The following PRUNE2 variants were observed in gnomAD, a reference collection of about 807,000 sequenced individuals.
PRUNE2 encodes prune homolog 2 with BCH domain, also known as protein prune homolog 2.
Under a neutral mutation model 252.0 loss-of-function variants are expected in PRUNE2, and 164 were observed. The ratio of observed to expected loss-of-function variants is 0.65; its 90% CI spans 0.57 to 0.74. The LOEUF is 0.74. Among genes scored for constraint, PRUNE2 ranks in the 30% least tolerant of loss-of-function variants. PRUNE2 has a pLI of 0.00. For missense variants in PRUNE2, 3,495 were observed against 3,711.0 expected, an observed-to-expected ratio of 0.94 and a Z score of 1.51; for synonymous variants, 1,292 against 1,350.2, an observed-to-expected ratio of 0.96 and a Z score of 0.94.
At chr9:76,691,841 C>A in intron 9 of PRUNE2, 2 of 519,658 alleles carry the variant, frequency 3.8e-6, no homozygotes. Flanking sequence ...AAGAAAGGGG[C>A]GGGGACAGCA....
At chr9:76,751,898 T>C (rs918802155) in intron 6 of PRUNE2, among the ~76,000 whole-genome samples, 2 of 152,158 alleles carry the variant, frequency 1.3e-5, no homozygotes, top group African/African-American at 4.8e-5. Flanking sequence ...ACTATCAAAT[T>C]TGGATCTCAT....
In PRUNE2 at chr9:76,850,741, G is replaced by A. The variant is rs772754959; in HGVS notation, c.142-76C>T. On this transcript the variant is annotated intron_variant, in intron 2 of 18. Transcript: ENST00000376718. ...TACAATTACATTTTCTCCAGCCTGG[G>A]GGTAACTGGTAAAAGGAATAGGAGT... 8 of 1,121,784 alleles carry A rather than the reference G, an allele frequency of 7.1e-6. No homozygotes were observed. The African/African-American group carries it at 1.2e-4, about 17-fold the overall frequency. 69.5% of individuals were successfully genotyped at this position (1,121,784 alleles called of 1,614,324 possible). A position where few individuals can be genotyped will look rare whatever the true frequency, so the allele number is the denominator to read the frequency against.
At chr9:76,616,330 C>T (rs912317575) in intron 18 of PRUNE2, among the ~76,000 whole-genome samples, 6 of 152,202 alleles carry the variant, frequency 3.9e-5, no homozygotes, top group South Asian at 2.1e-4. Context: ...TTCCTGTTCC[C>T]GGAAATCTGT....
At chr9:76,713,542 G>A (rs753647430) in intron 7 of PRUNE2, 21 bp downstream of exon 7, 40 of 1,595,174 alleles carry the variant, frequency 2.5e-5, no homozygotes, top group African/African-American at 2.4e-4. Flanking sequence ...GGAACATGAC[G>A]GGGTCAGAGG....
chr9:76,905,134 T>G (rs1309376179), intron 1 of PRUNE2, among the ~76,000 whole-genome samples: 2 of 152,292 alleles, frequency 1.3e-5, no homozygotes, highest in East Asian at 1.9e-4. Context: ...TCCATTATGT[T>G]TATTACTGCT....
At position 76,814,148 on chromosome 9, in the gene PRUNE2, T is replaced by C. The variant is rs76442304; in HGVS notation, c.756+9484A>G. Among the ~76,000 whole-genome samples, 5 of 152,292 alleles carry C rather than the reference T, an allele frequency of 3.3e-5. No homozygotes were observed. In the East Asian group the frequency reaches 9.7e-4, roughly 29 times the overall value. On this transcript the variant is annotated intron_variant, in intron 6 of 18. Transcript: ENST00000376718. ...ATATATCCTTCATATCAGTAATATG[T>C]AAGAGTGGGTTTTTTTGAGAACCTG... is the stretch of plus-strand genomic sequence containing the variant.
At chr9:76,669,513 T>C (rs552001457) in intron 9 of PRUNE2, among the ~76,000 whole-genome samples, 1 of 152,228 alleles carries the variant, frequency 6.6e-6, no homozygotes, top group African/African-American at 2.4e-5. Flanking sequence ...AGAGACAAGT[T>C]TTCACCATGT....
chr9:76,629,516 A>G (rs6560535), intron 15 of PRUNE2, among the ~76,000 whole-genome samples: 34,317 of 151,746 alleles, frequency 0.23, 4,147 homozygotes, highest in African/African-American at 0.29. Flanking sequence ...TTGCCATGTA[A>G]AAAAGTATAA....
chr9:76,661,403 C>T (rs577901978), intron 9 of PRUNE2, among the ~76,000 whole-genome samples: 1 of 152,126 alleles, frequency 6.6e-6, no homozygotes, highest in South Asian at 2.1e-4. Flanking sequence ...CCACCATGCC[C>T]AGCTAAGTTT....
intron 6 of PRUNE2, chr9:76,780,065 A>C (rs1308451869): frequency 6.6e-6 from 1 of 152,212 alleles, no homozygotes; most frequent in African/African-American, 2.4e-5. Flanking sequence ...TATTTTCTTA[A>C]GGATTTGTCT....
At position 76,710,355 on chromosome 9, in the gene PRUNE2, T is replaced by A; in HGVS notation, c.1919A>T (p.Asp640Val). 2 of 1,614,028 alleles carry A rather than the reference T, an allele frequency of 1.2e-6. No homozygotes were observed. The highest frequency in any genetic ancestry group is 8.5e-7 in the Non-Finnish European group (1 of 1,179,890). The change falls in exon 8 of 19, where the codon GAC (aspartate) becomes GTC (valine). Residue 640 changes from aspartate (D) to valine (V), a missense_variant. Asp to Val is a radical substitution (Grantham distance 152, BLOSUM62 -3). Transcript: ENST00000376718. ...CTGAGGTGGCCCCATGTGACCTGTG[T>A]CAGTTGCTTTTTGGGTCATATCTTC... is the stretch of plus-strand genomic sequence containing the variant. ...YTEDMTQKATDTGHMGPPQTH... is the reference protein window; with the variant it reads ...YTEDMTQKATVTGHMGPPQTH...
At chr9:76,788,774 CTAAT>C (rs2055275948) in intron 6 of PRUNE2, among the ~76,000 whole-genome samples, 1 of 152,298 alleles carries the variant, frequency 6.6e-6, no homozygotes, top group Admixed American at 6.5e-5. Context: ...TAGAGAGAAA[CTAAT>C]TAATTCTTGA....
At chr9:76,665,832 G>A (rs146025754) in intron 9 of PRUNE2, among the ~76,000 whole-genome samples, 2 of 151,912 alleles carry the variant, frequency 1.3e-5, no homozygotes, top group African/African-American at 4.8e-5. Flanking sequence ...TCAGGAGTTC[G>A]AGATCTGTGG....
At chr9:76,825,595 C>T (rs11792236) in intron 5 of PRUNE2, among the ~76,000 whole-genome samples, 19,224 of 152,234 alleles carry the variant, frequency 0.13, 1,328 homozygotes, top group East Asian at 0.18. Flanking sequence ...GACATATAGG[C>T]TGGGTTTAGG....
chr9:76,732,066 G>C (rs1036798199), intron 6 of PRUNE2, among the ~76,000 whole-genome samples: 1 of 152,196 alleles, frequency 6.6e-6, no homozygotes, highest in Non-Finnish European at 1.5e-5. Context: ...TGTAATCCCA[G>C]CACTTTGGAA....
chr9:76,734,816 T>C (rs965088943), intron 6 of PRUNE2, among the ~76,000 whole-genome samples: 3 of 152,168 alleles, frequency 2.0e-5, no homozygotes, highest in African/African-American at 7.2e-5. Flanking sequence ...AGGAATAACA[T>C]GTGACCTGAG....
chr9:76,728,908 A>G (rs1460562386), intron 6 of PRUNE2, among the ~76,000 whole-genome samples: 1 of 152,246 alleles, frequency 6.6e-6, no homozygotes, highest in East Asian at 1.9e-4. Context: ...CCCTCAATAC[A>G]TAGATGGTAG....
rs200722902 is a variant in PRUNE2, at chr9:76,846,540, G to T, written c.483C>A (p.Thr161=). 155 of 1,613,802 alleles carry T rather than the reference G, an allele frequency of 9.6e-5. No homozygotes were observed. In the East Asian group the frequency reaches 1.5e-3, roughly 15 times the overall value. ...CTCTGAGGCGATGAGCCAGTTGCTC[G>T]GTGATGAGCTCAGGAGCCTCTTGGA... is the stretch of plus-strand genomic sequence containing the variant. ...EILQEAPELI[T]EQLAHRLRGS... is the part of the protein sequence containing the mutation. Residue 161 remains threonine (T), a synonymous_variant, in exon 4 of 19, where the codon ACC becomes ACA. Transcript: ENST00000376718.
chr9:76,682,427 T>C (rs2043566007), intron 9 of PRUNE2, among the ~76,000 whole-genome samples: 1 of 150,494 alleles, frequency 6.6e-6, no homozygotes, highest in African/African-American at 2.4e-5. Flanking sequence ...AGTGGCGTGA[T>C]CTCGGCCCAC....
Sources: gnomAD v4.1 joint callset for allele counts (sites outside exome capture counted in the v4.1 genomes callset) on GRCh38, gnomAD v4.1.1 for gene constraint, MANE v1.5 for transcripts, NCBI Gene and HGNC (gene_info 2026-07-23, HGNC 2026-07-21) for gene names.